PABPC4L: variants seen among roughly 807,000 people sequenced by gnomAD.
PABPC4L encodes polyadenylate-binding protein 4-like.
For synonymous variants in PABPC4L, 169 were observed against 164.1 expected, an observed-to-expected ratio of 1.03 and a Z score of -0.23; for missense variants, 452 against 451.4, an observed-to-expected ratio of 1.00 and a Z score of -0.01.
At chr4:133,952,615 C>T in the PABPC4L span, among the ~76,000 whole-genome samples, 5 of 152,040 alleles carry the variant, frequency 3.3e-5, no homozygotes, top group African/African-American at 1.2e-4. Context: ...TTTCTGAAAA[C>T]TATTTTTCGT....
chr4:133,956,680 T>C, the PABPC4L span, among the ~76,000 whole-genome samples: 2 of 152,138 alleles, frequency 1.3e-5, no homozygotes, highest in Admixed American at 1.3e-4. Context: ...TGAAGAAATA[T>C]CCAAGACTGA....
the PABPC4L span, among the ~76,000 whole-genome samples, chr4:134,107,544 C>T: frequency 6.6e-6 from 1 of 151,478 alleles, no homozygotes; most frequent in African/African-American, 2.4e-5. Context: ...AGGATGCAAG[C>T]TTAAGATCAT....
the PABPC4L span, among the ~76,000 whole-genome samples, chr4:134,058,704 C>T: frequency 5.9e-5 from 9 of 151,944 alleles, no homozygotes; most frequent in South Asian, 2.1e-4. Flanking sequence ...TCAGAAAATA[C>T]CACTGGCCTT....
chr4:134,080,147 G>A, the PABPC4L span, among the ~76,000 whole-genome samples: 5 of 152,004 alleles, frequency 3.3e-5, no homozygotes, highest in East Asian at 9.7e-4. Context: ...AGAACATTTG[G>A]AAAAATATCT....
chr4:133,998,807 TC>T, the PABPC4L span, among the ~76,000 whole-genome samples: 2 of 151,974 alleles, frequency 1.3e-5, no homozygotes, highest in Non-Finnish European at 1.5e-5. Flanking sequence ...ATAAGTAGGA[TC>T]TTTCCCCCTA....
chr4:134,060,916 A>T, the PABPC4L span, among the ~76,000 whole-genome samples: 1 of 152,048 alleles, frequency 6.6e-6, no homozygotes, highest in African/African-American at 2.4e-5. Flanking sequence ...TGGTTACCAG[A>T]GGCTGGGAAG....
the PABPC4L span, among the ~76,000 whole-genome samples, chr4:134,012,265 A>T: frequency 6.6e-6 from 1 of 152,126 alleles, no homozygotes; most frequent in Non-Finnish European, 1.5e-5. Flanking sequence ...ACCTGCACGT[A>T]CACACTCAGA....
At chr4:134,007,786 T>A in the PABPC4L span, among the ~76,000 whole-genome samples, 1 of 151,492 alleles carries the variant, frequency 6.6e-6, no homozygotes, top group Non-Finnish European at 1.5e-5. Context: ...ATGTCTTGAG[T>A]TTTCAAGTTA....
At chr4:134,078,041 A>G in the PABPC4L span, among the ~76,000 whole-genome samples, 1 of 152,192 alleles carries the variant, frequency 6.6e-6, no homozygotes, top group African/African-American at 2.4e-5. Flanking sequence ...AAATCAAACT[A>G]TGTACATAAA....
At chr4:133,993,324 G>A in the PABPC4L span, among the ~76,000 whole-genome samples, 2 of 152,090 alleles carry the variant, frequency 1.3e-5, no homozygotes, top group Admixed American at 6.6e-5. Context: ...CCTGTAGAAT[G>A]TTGGATGTTC....
chr4:134,063,170 G>A, the PABPC4L span, among the ~76,000 whole-genome samples: 220 of 152,220 alleles, frequency 1.4e-3, no homozygotes, highest in African/African-American at 5.0e-3. Flanking sequence ...ACCTTTTAGG[G>A]TGACTGTTCA....
chr4:134,124,805 A>G, the PABPC4L span, among the ~76,000 whole-genome samples: 1 of 152,070 alleles, frequency 6.6e-6, no homozygotes, highest in African/African-American at 2.4e-5. Flanking sequence ...TACAAAGAAC[A>G]AAGACCTAGC....
At chr4:133,965,363 A>C in the PABPC4L span, among the ~76,000 whole-genome samples, 1 of 152,156 alleles carries the variant, frequency 6.6e-6, no homozygotes, top group Admixed American at 6.5e-5. Flanking sequence ...ATGGATGGGT[A>C]GAATCAATAG....
At position 134,197,199 on chromosome 4, in the gene PABPC4L, C is replaced by T. The variant is rs78674177; in HGVS notation, c.*2708G>A. 3.8e-3 allele frequency: 575 copies of T among 151,772 alleles called. 2 individuals carry two copies. Among genetic ancestry groups the T allele is most frequent in the African/African-American group, 0.013 (542 of 41,510 alleles). The allele number at this position is 151,772 out of a possible 1,614,324, so 9.4% of individuals were successfully genotyped here. ...ACCTAGTATAAGAATCTATGTGAAACTCATATGCCAACTCTAATTCATTGG... is the reference window on the plus strand; with the variant it reads ...ACCTAGTATAAGAATCTATGTGAAATTCATATGCCAACTCTAATTCATTGG... On this transcript the variant is annotated 3_prime_UTR_variant, in exon 2 of 2. Transcript: ENST00000421491.
the PABPC4L span, among the ~76,000 whole-genome samples, chr4:134,044,936 C>A: frequency 6.6e-6 from 1 of 152,094 alleles, no homozygotes; most frequent in South Asian, 2.1e-4. Flanking sequence ...AAAACAATTT[C>A]CAGTAAAATC....
chr4:133,997,269 G>A, the PABPC4L span, among the ~76,000 whole-genome samples: 1 of 152,254 alleles, frequency 6.6e-6, no homozygotes, highest in East Asian at 1.9e-4. Flanking sequence ...AAGAATACAT[G>A]TCAAAAGCCA....
the PABPC4L span, among the ~76,000 whole-genome samples, chr4:133,988,532 T>G: frequency 6.6e-6 from 1 of 152,324 alleles, no homozygotes; most frequent in South Asian, 2.1e-4. Flanking sequence ...ATGTCTCACA[T>G]CCAGGGCACA....
the PABPC4L span, among the ~76,000 whole-genome samples, chr4:134,042,761 C>A: frequency 6.6e-6 from 1 of 152,032 alleles, no homozygotes; most frequent in Admixed American, 6.6e-5. Flanking sequence ...ATACATTAAA[C>A]ATAAACAATA....
the PABPC4L span, among the ~76,000 whole-genome samples, chr4:134,160,346 C>T: frequency 6.6e-6 from 1 of 152,082 alleles, no homozygotes; most frequent in South Asian, 2.1e-4. Flanking sequence ...ATAATACACC[C>T]TCCTCCAGGT....
Sources: gnomAD v4.1 joint callset for allele counts (sites outside exome capture counted in the v4.1 genomes callset) on GRCh38, gnomAD v4.1.1 for gene constraint, MANE v1.5 for transcripts, NCBI Gene and HGNC (gene_info 2026-07-23, HGNC 2026-07-21) for gene names.